CFAP52: variants seen among roughly 807,000 people sequenced by gnomAD.
The protein encoded by CFAP52 is cilia and flagella associated protein 52, also known as cilia- and flagella-associated protein 52.
In CFAP52, 57 loss-of-function variants were observed where a neutral mutation model predicts 70.5. That is an observed-to-expected ratio of 0.81 (90% confidence interval 0.65 to 1.01). The LOEUF is 1.01. CFAP52 is among the 50% of genes least tolerant of loss of function. The probability of loss-of-function intolerance (pLI) is 0.00; values close to 1 mark genes in which losing one functional copy is unlikely to be tolerated. For missense variants in CFAP52, 785 were observed against 788.5 expected (o/e 1.00, Z 0.05); for synonymous variants, 267 against 292.5 (o/e 0.91, Z 0.89).
Position 9,584,202 on chromosome 17 carries a change from T to C in CFAP52, c.71-1571T>C, listed in dbSNP as rs1422596439. 1.2e-5 allele frequency: 15 copies of C among 1,239,382 alleles called. No individual in the cohort carries two copies. The East Asian group carries it at 7.6e-4, about 63-fold the overall frequency. 76.8% of individuals were successfully genotyped at this position (1,239,382 alleles called of 1,614,324 possible). A position where few individuals can be genotyped will look rare whatever the true frequency, so the allele number is the denominator to read the frequency against. The stretch of plus-strand genomic sequence containing the variant: ...TGAAGGTCCTGTTCTCCTGAAACTG[T>C]TTTTAGTGAATAAACTACCAACTCA... On this transcript the variant is annotated intron_variant, in intron 1 of 13. Coordinates refer to ENST00000352665, the MANE Select transcript of CFAP52 (RefSeq NM_145054.5).
intron 3 of CFAP52, among the ~76,000 whole-genome samples, chr17:9,588,787 T>TTA (rs1349462521): frequency 6.6e-6 from 1 of 151,736 alleles, no homozygotes; most frequent in South Asian, 2.1e-4. Context: ...TTTTTTTTTT[T>TTA]TTGAGATGGA....
chr17:9,585,765 T>C lies in CFAP52; in HGVS notation c.71-8T>C. ...TGATTATTATTACTGTGAATCTCTC[T>C]CTTTTAGGACATGTGCCCACTGGTC... On this transcript the variant is annotated splice_region_variant and splice_polypyrimidine_tract_variant and intron_variant, in intron 1 of 13. Transcript: ENST00000352665. 1.2e-6 allele frequency: 2 copies of C among 1,613,934 alleles called. No individual in the cohort carries two copies. The highest frequency in any genetic ancestry group is 1.7e-6 in the Non-Finnish European group (2 of 1,179,904).
chr17:9,644,672 G>A (rs1386978482), downstream of CFAP52: 2 of 152,118 alleles, frequency 1.3e-5, no homozygotes, highest in Non-Finnish European at 2.9e-5. Context: ...CATTCAACAA[G>A]GATCGTGCGT....
intron 3 of CFAP52, among the ~76,000 whole-genome samples, chr17:9,588,487 A>G (rs1384688774): frequency 1.3e-5 from 2 of 152,142 alleles, no homozygotes; most frequent in Non-Finnish European, 2.9e-5. Flanking sequence ...CAGTGTGAGA[A>G]AGCTGTTGAT....
At chr17:9,636,179 AAAAG>A (rs60584008) in intron 11 of CFAP52, among the ~76,000 whole-genome samples, 12,457 of 98,828 alleles carry the variant, frequency 0.13, 923 homozygotes, top group Non-Finnish European at 0.16. Flanking sequence ...TGTCTCAAAA[AAAAG>A]AAAGAAAGAA....
At chr17:9,583,770 A>C (rs1427889480) in intron 1 of CFAP52, among the ~76,000 whole-genome samples, 1 of 152,228 alleles carries the variant, frequency 6.6e-6, no homozygotes, top group East Asian at 1.9e-4. Context: ...ATAGGTGAGC[A>C]ATAATGGAGG....
intron 3 of CFAP52, among the ~76,000 whole-genome samples, chr17:9,592,345 T>C (rs1908802332): frequency 6.6e-6 from 1 of 152,056 alleles, no homozygotes; most frequent in South Asian, 2.1e-4. Context: ...GGTGGGCCCC[T>C]GTAACCCCAG....
rs536632724 is a variant in CFAP52 at position 9,610,715 on chromosome 17, T to C, written c.855-1594T>C. Among the ~76,000 whole-genome samples, 10 of 152,188 alleles carry C rather than the reference T, an allele frequency of 6.6e-5. No individual in the cohort carries two copies. In the East Asian group the frequency reaches 1.7e-3, roughly 26 times the overall value. On this transcript the variant is annotated intron_variant, in intron 7 of 13. Transcript: ENST00000352665. ...AAGCCCAGCTAATTTTTTTTTGTAT[T>C]TTTAGTAGAGATGGGGTTTCACCCT...
Position 9,643,185 on chromosome 17 carries a change from C to T in CFAP52, c.1850C>T (p.Pro617Leu). The T allele has an allele frequency of 6.2e-7, 1 of 1,609,334 alleles. No individual in the cohort carries two copies. ...ADGAILRWKY[P>L]YTS ...GGAGCCATTTTGCGATGGAAGTACCCATATACCTCCTGAAGCTGATGAGAT... is the reference window on the plus strand; with the variant it reads ...GGAGCCATTTTGCGATGGAAGTACCTATATACCTCCTGAAGCTGATGAGAT... Residue 617 changes from proline (P) to leucine (L), a missense_variant, in exon 14 of 14, where the codon CCA (proline) becomes CTA (leucine). By Grantham distance (98) the Pro-to-Leu change is moderately conservative. Coordinates refer to ENST00000352665, the MANE Select transcript of CFAP52 (RefSeq NM_145054.5).
intron 7 of CFAP52, among the ~76,000 whole-genome samples, chr17:9,609,227 A>C (rs1317811364): frequency 9.1e-6 from 1 of 110,282 alleles, no homozygotes; most frequent in African/African-American, 2.7e-5. Flanking sequence ...CAGTGAATAA[A>C]ACATAAAAGA....
chr17:9,640,828 C>A (rs1446487034), intron 12 of CFAP52, among the ~76,000 whole-genome samples: 2 of 151,978 alleles, frequency 1.3e-5, no homozygotes, highest in African/African-American at 4.8e-5. Flanking sequence ...ATTTTTAGTA[C>A]AGACAGGGTT....
In CFAP52 at chr17:9,592,158, C is replaced by A. The variant is rs570745396; in HGVS notation, c.408-2035C>A. On this transcript the variant is annotated intron_variant, in intron 3 of 13. Coordinates refer to ENST00000352665, the MANE Select transcript of CFAP52 (RefSeq NM_145054.5). ...CCACAATTTTAGAATGTTTTCAACA[C>A]CCCAAAAAGAAACCCCATACCCAGC... Among the ~76,000 whole-genome samples the A allele has an allele frequency of 2.0e-3, 298 of 151,942 alleles. 1 individual carries two copies. The highest frequency in any genetic ancestry group is 6.9e-3 in the African/African-American group (284 of 41,456).
intron 1 of CFAP52, among the ~76,000 whole-genome samples, chr17:9,580,034 C>T (rs1219594673): frequency 2.0e-5 from 3 of 152,158 alleles, no homozygotes; most frequent in Non-Finnish European, 2.9e-5. Context: ...CATCCATTGA[C>T]TGGAGTAGGT....
At chr17:9,598,527 G>A (rs552934451) in intron 5 of CFAP52, 194 bp downstream of exon 5, 16 of 418,740 alleles carry the variant, frequency 3.8e-5, no homozygotes, top group South Asian at 2.2e-4. Flanking sequence ...TTTGGGAGGC[G>A]GAGGTGGGTG....
downstream of CFAP52, chr17:9,644,871 C>G (rs985524446): frequency 6.6e-5 from 10 of 152,166 alleles, no homozygotes; most frequent in African/African-American, 2.4e-4. Context: ...CCCTTCCTTG[C>G]CGATTAAAGC....
intron 3 of CFAP52, among the ~76,000 whole-genome samples, chr17:9,591,091 G>A (rs1046609448): frequency 7.2e-5 from 9 of 125,138 alleles, no homozygotes; most frequent in Admixed American, 1.0e-4. Flanking sequence ...AGGCTGGAGT[G>A]CAACGGCATG....
Position 9,632,999 on chromosome 17 carries a change from G to A in CFAP52, c.1286G>A (p.Cys429Tyr). 3.1e-6 allele frequency: 5 copies of A among 1,614,152 alleles called. No homozygotes were observed. Among genetic ancestry groups the A allele is most frequent in the South Asian group, 1.1e-5 (1 of 91,046 alleles). Residue 429 changes from cysteine (C) to tyrosine (Y), a missense_variant, in exon 10 of 14, where the codon TGT becomes TAT. Cys to Tyr is a radical substitution (Grantham distance 194). Coordinates refer to ENST00000352665, the MANE Select transcript of CFAP52 (RefSeq NM_145054.5). ...GVTAIATTSDCKRVISGGGEG... is the reference protein window; with the variant it reads ...GVTAIATTSDYKRVISGGGEG... Reference sequence around the variant, plus strand: ...ACCGCCATCGCCACCACCAGTGACTGTAAAAGGGTCATCAGTGGCGGTGGG... The same window carrying A: ...ACCGCCATCGCCACCACCAGTGACTATAAAAGGGTCATCAGTGGCGGTGGG...
intron 8 of CFAP52, among the ~76,000 whole-genome samples, chr17:9,622,687 A>G (rs1910091151): frequency 6.6e-6 from 1 of 152,216 alleles, no homozygotes; most frequent in Non-Finnish European, 1.5e-5. Context: ...GTATAAAAAG[A>G]ATTTTAATGG....
intron 8 of CFAP52, among the ~76,000 whole-genome samples, chr17:9,618,799 C>A (rs1909980667): frequency 1.7e-5 from 1 of 60,132 alleles, no homozygotes; most frequent in Non-Finnish European, 3.0e-5. Flanking sequence ...TCTTTGAAAC[C>A]AACGAGAACA....
Sources: allele counts gnomAD v4.1 joint callset (sites outside exome capture counted in the v4.1 genomes callset), GRCh38; gene constraint gnomAD v4.1.1; transcripts MANE v1.5; gene names NCBI Gene and HGNC (gene_info 2026-07-23, HGNC 2026-07-21).